The following RALGDS variants were observed in gnomAD, a reference collection of about 807,000 sequenced individuals.
The protein encoded by RALGDS is ral guanine nucleotide exchange factor.
RALGDS carries 44 observed loss-of-function variants against 99.8 expected under a neutral mutation model. That is an observed-to-expected ratio of 0.44 (90% confidence interval 0.35 to 0.57). RALGDS has a LOEUF of 0.57. Ranked by LOEUF, RALGDS falls within the 20% of genes least tolerant of loss-of-function variation. The pLI is 0.01. For synonymous variants in RALGDS, 529 were observed against 505.0 expected (o/e 1.05, Z -0.64); for missense variants, 1,022 against 1,203.1 (o/e 0.85, Z 2.23).
Position 133,102,502 on chromosome 9 carries a change from GTTC to G in RALGDS, c.1980_1982del (p.Lys660del). 3 of 1,614,146 alleles carry G rather than the reference GTTC, an allele frequency of 1.9e-6. No individual in the cohort carries two copies. The South Asian group carries it at 3.3e-5, about 18-fold the overall frequency. On this transcript the variant is annotated inframe_deletion, in exon 14 of 18. Coordinates refer to ENST00000372050, the MANE Select transcript of RALGDS (RefSeq NM_006266.4). ...CGCTCCAGCGCTTGACAATGGCTGTGTTCTTCTTGGTCCTGAGGGTGTTGCTGG... is the reference window on the plus strand; with the variant it reads ...CGCTCCAGCGCTTGACAATGGCTGTGTTCTTGGTCCTGAGGGTGTTGCTGG...
intron 1 of RALGDS, among the ~76,000 whole-genome samples, chr9:133,120,306 C>T (rs1454360343): frequency 6.6e-6 from 1 of 152,198 alleles, no homozygotes; most frequent in Non-Finnish European, 1.5e-5. Flanking sequence ...AGGGTGTTGG[C>T]ACTCTTTCCA....
At position 133,106,883 on chromosome 9, in the gene RALGDS, C is replaced by T. The variant is rs113552302; in HGVS notation, c.1414-135G>A. The T allele has an allele frequency of 1.1e-4, 104 of 913,796 alleles. No homozygotes were observed. In the East Asian group the frequency reaches 1.5e-3, roughly 13 times the overall value. 56.6% of individuals were successfully genotyped at this position (913,796 alleles called of 1,614,324 possible). On this transcript the variant is annotated intron_variant, in intron 7 of 17. Transcript: ENST00000372050. ...GTCCCCAGAGGGCACGCCTGCGACCCGGGGGTGACAGGAGGATTTTAGCTC... is the reference window on the plus strand; with the variant it reads ...GTCCCCAGAGGGCACGCCTGCGACCTGGGGGTGACAGGAGGATTTTAGCTC...
At chr9:133,117,110 G>T (rs1021031956) in intron 1 of RALGDS, among the ~76,000 whole-genome samples, 11 of 152,332 alleles carry the variant, frequency 7.2e-5, no homozygotes, top group Middle Eastern at 3.4e-3. Context: ...AGGAGCCCAG[G>T]GCACTTGGAA....
At chr9:133,124,496 T>G (rs948346048), upstream of RALGDS, among the ~76,000 whole-genome samples, 1 of 149,684 alleles carries the variant, frequency 6.7e-6, no homozygotes, top group Non-Finnish European at 1.5e-5. Flanking sequence ...CTGGGCAACA[T>G]AGCAAGACCC....
chr9:133,110,555 GA>G, intron 2 of RALGDS, 66 bp from the exon 3 acceptor site: 1 of 1,416,200 alleles, frequency 7.1e-7, no homozygotes, highest in Non-Finnish European at 9.9e-7. Context: ...AGCTCAGATG[GA>G]ACCCCGAGCC....
upstream of RALGDS, among the ~76,000 whole-genome samples, chr9:133,124,924 G>A (rs1832099313): frequency 6.6e-6 from 1 of 152,232 alleles, no homozygotes; most frequent in South Asian, 2.1e-4. Flanking sequence ...TGCCATTTGT[G>A]GGATTACAGG....
chr9:133,128,218 CAT>C (rs1207084299), intron 1 of RALGDS, among the ~76,000 whole-genome samples: 3 of 151,744 alleles, frequency 2.0e-5, no homozygotes, highest in East Asian at 3.9e-4. Context: ...GAGAGGAAGA[CAT>C]AGAGGGAAAC....
intron 3 of RALGDS, 127 bp from the exon 4 acceptor site, chr9:133,109,848 A>G: frequency 5.4e-6 from 4 of 736,886 alleles, no homozygotes; most frequent in Non-Finnish European, 9.5e-6. Context: ...GCCAGCACAC[A>G]GTAGGTGCTT....
At position 133,107,394 on chromosome 9, in the gene RALGDS, T is replaced by C. The variant is rs945471344; in HGVS notation, c.1198-94A>G. 3.1e-5 allele frequency: 36 copies of C among 1,167,896 alleles called. No individual in the cohort carries two copies. In the East Asian group the frequency reaches 9.2e-4, roughly 30 times the overall value. 72.3% of individuals were successfully genotyped at this position (1,167,896 alleles called of 1,614,324 possible). On this transcript the variant is annotated intron_variant, in intron 6 of 17. Coordinates refer to ENST00000372050, the MANE Select transcript of RALGDS (RefSeq NM_006266.4). The stretch of plus-strand genomic sequence containing the variant: ...ATGCAGCTTGAGCCTTGTGGGGATC[T>C]CTGGGTTTTATCCCGTGTCCATGCA...
intron 4 of RALGDS, 108 bp from the exon 5 acceptor site, chr9:133,108,974 G>GC: frequency 2.7e-6 from 3 of 1,104,274 alleles, no homozygotes; most frequent in Non-Finnish European, 4.0e-6. Context: ...CCCGGCCCAA[G>GC]CCCCCTTGGC....
upstream of RALGDS, among the ~76,000 whole-genome samples, chr9:133,123,599 T>C (rs1159443557): frequency 6.6e-6 from 1 of 152,240 alleles, no homozygotes; most frequent in Non-Finnish European, 1.5e-5. Context: ...AAAGTTCCTC[T>C]TCCTGCCTTG....
In RALGDS at chr9:133,109,688, A is replaced by G. The variant is rs371959095; in HGVS notation, c.522T>C (p.Ser174=). Residue 174 remains serine, a synonymous_variant, in exon 4 of 18, where the codon TCT becomes TCC. Transcript: ENST00000372050. ...YGRCDALTAS[S]RYGCILPYSD... is the part of the protein sequence containing the mutation. The stretch of plus-strand genomic sequence containing the variant: ...AATAGGGGAGGATGCAGCCGTATCT[A>G]GAGGAGGCCGTGAGGGCGTCACATC... The G allele has an allele frequency of 2.0e-5, 32 of 1,613,872 alleles. No homozygotes were observed. The highest frequency in any genetic ancestry group is 1.3e-4 in the South Asian group (12 of 91,088).
intron 1 of RALGDS, among the ~76,000 whole-genome samples, chr9:133,146,998 T>C (rs1832632862): frequency 6.6e-6 from 1 of 152,252 alleles, no homozygotes; most frequent in South Asian, 2.1e-4. Context: ...TGAGCTGCCC[T>C]GGATCTGGGT....
chr9:133,122,120 T>G (rs1009385169), upstream of RALGDS, among the ~76,000 whole-genome samples: 1 of 152,186 alleles, frequency 6.6e-6, no homozygotes, highest in Non-Finnish European at 1.5e-5. Context: ...CTGGGGCTGC[T>G]TGTGGCTTGG....
intron 1 of RALGDS, among the ~76,000 whole-genome samples, chr9:133,114,655 G>A (rs2119186398): frequency 6.6e-6 from 1 of 152,342 alleles, no homozygotes; most frequent in East Asian, 1.9e-4. Flanking sequence ...ACGGCCTAGT[G>A]AACAGCTGAT....
intron 1 of RALGDS, among the ~76,000 whole-genome samples, chr9:133,140,473 G>C (rs1172097884): frequency 6.6e-6 from 1 of 152,068 alleles, no homozygotes; most frequent in Non-Finnish European, 1.5e-5. Context: ...CTGACCTCTC[G>C]GGTGGTGTCC....
At chr9:133,107,689 G>A (rs1447149321) in intron 6 of RALGDS, among the ~76,000 whole-genome samples, 1 of 152,240 alleles carries the variant, frequency 6.6e-6, no homozygotes, top group Non-Finnish European at 1.5e-5. Flanking sequence ...AGATGGGGGT[G>A]ACCCATGGAT....
chr9:133,130,914 G>A (rs1226110511), intron 1 of RALGDS: 1 of 1,505,206 alleles, frequency 6.6e-7, no homozygotes, highest in South Asian at 1.2e-5. Context: ...AGATGCCAGG[G>A]CGAAGTCAGA....
upstream of RALGDS, among the ~76,000 whole-genome samples, chr9:133,124,695 T>C (rs1832091971): frequency 6.6e-6 from 1 of 152,222 alleles, no homozygotes; most frequent in African/African-American, 2.4e-5. Context: ...CGGGCGGGCC[T>C]GACTCTGCCT....
Sources: gnomAD v4.1 joint callset for allele counts (sites outside exome capture counted in the v4.1 genomes callset) on GRCh38, gnomAD v4.1.1 for gene constraint, MANE v1.5 for transcripts, NCBI Gene and HGNC (gene_info 2026-07-23, HGNC 2026-07-21) for gene names.